The following TMEM237 variants were observed in gnomAD, a reference collection of about 807,000 sequenced individuals.
The protein encoded by TMEM237 is amyotrophic lateral sclerosis 2 (juvenile) chromosome region, candidate 4.
Under a neutral mutation model 59.1 loss-of-function variants are expected in TMEM237, and 51 were observed. The ratio of observed to expected loss-of-function variants is 0.86; its 90% CI spans 0.69 to 1.09. The LOEUF (loss-of-function observed/expected upper bound fraction) is 1.09, where lower values mean the gene tolerates loss of function less well. TMEM237 is among the 50% of genes least tolerant of loss of function. TMEM237 has a pLI of 0.00. For synonymous variants in TMEM237, 140 were observed against 166.1 expected, an observed-to-expected ratio of 0.84 and a Z score of 1.21; for missense variants, 475 against 478.3, an observed-to-expected ratio of 0.99 and a Z score of 0.06.
intron 1 of TMEM237, chr2:201,642,603 G>A (rs1411776340): frequency 2.5e-6 from 4 of 1,608,762 alleles, no homozygotes; most frequent in Non-Finnish European, 3.4e-6. Context: ...GCTAAGGCTC[G>A]CTTACCACAG....
At position 201,629,845 on chromosome 2, in the gene TMEM237, G is replaced by C; in HGVS notation, c.561C>G (p.Phe187Leu). 6.2e-7 allele frequency: 1 copy of C among 1,612,030 alleles called. No individual in the cohort carries two copies. The highest frequency in any genetic ancestry group is 8.5e-7 in the Non-Finnish European group (1 of 1,179,420). The stretch of plus-strand genomic sequence containing the variant: ...TCAACTCTGAACGATCAGCAGCCTG[G>C]AATCTCCCTAAGAACACATAACGTA... ...GKVFVEKSRR[F>L]QAADRSELIK... The change falls in exon 8 of 13, where the codon TTC (phenylalanine) becomes TTG (leucine). Residue 187 changes from phenylalanine (F) to leucine (L), a missense_variant. Physicochemically the swap from Phe to Leu is conservative, Grantham distance 22 (BLOSUM62 0). Transcript: ENST00000409883.
rs947776588 is a variant in TMEM237, at chr2:201,620,920, G to A, written c.*3335C>T. ...TCTCAAAAGATAGAGTTCTTTAGGG[G>A]CAGGAACCTGCACCTCACCTTGTGC... On this transcript the variant is annotated 3_prime_UTR_variant, in exon 13 of 13. Coordinates refer to ENST00000409883, the MANE Select transcript of TMEM237 (RefSeq NM_001044385.3). 6.6e-6 allele frequency: 1 copy of A among 152,132 alleles called. No individual in the cohort carries two copies. Among genetic ancestry groups the A allele is most frequent in the African/African-American group, 2.4e-5 (1 of 41,430 alleles). 9.4% of individuals were successfully genotyped at this position (152,132 alleles called of 1,614,324 possible).
At chr2:201,626,296 A>G (rs1957758432) in intron 11 of TMEM237, 149 bp from the exon 12 acceptor site, 1 of 795,520 alleles carries the variant, frequency 1.3e-6, no homozygotes, top group Non-Finnish European at 1.9e-6. Context: ...TTCCCTGTAA[A>G]ATATACCACA....
chr2:201,636,816 G>C lies in TMEM237; in HGVS notation c.206C>G (p.Thr69Ser), dbSNP rs372581479. ...CTCTGGGTGCTCTTTGAGTTCTTTA[G>C]TTGATGGCTCATTGCCCTCAGAGGG... is the stretch of plus-strand genomic sequence containing the variant. ...RRPSEGNEPS[T>S]KELKEHPEAP... Residue 69 changes from threonine to serine, a missense_variant, in exon 5 of 13, where the codon ACT becomes AGT. Thr to Ser is a moderately conservative substitution (Grantham distance 58, BLOSUM62 1). Coordinates refer to ENST00000409883, the MANE Select transcript of TMEM237 (RefSeq NM_001044385.3). 7.5e-6 allele frequency: 12 copies of C among 1,602,546 alleles called. No individual in the cohort carries two copies. The highest frequency in any genetic ancestry group is 3.4e-5 in the Admixed American group (2 of 58,362).
Position 201,628,089 on chromosome 2 carries a change from A to C in TMEM237, c.930T>G (p.Ala310=). ...CTGCTTACTCACAGAAAGATGCTAA[A>C]GCTGTAGGATCCAGGGCCAAAAAAT... ...IRNFLALDPT[A]LASFLYFTAL... is the part of the protein sequence containing the mutation. The change falls in exon 10 of 13, where the codon GCT becomes GCG. Residue 310 remains alanine (A), a synonymous_variant. Coordinates refer to ENST00000409883, the MANE Select transcript of TMEM237 (RefSeq NM_001044385.3). 6.2e-7 allele frequency: 1 copy of C among 1,607,774 alleles called. No homozygotes were observed. The highest frequency in any genetic ancestry group is 8.5e-7 in the Non-Finnish European group (1 of 1,176,904).
chr2:201,627,252 A>T, intron 11 of TMEM237, 69 bp downstream of exon 11: 1 of 1,116,720 alleles, frequency 9.0e-7, no homozygotes, highest in Non-Finnish European at 1.3e-6. Flanking sequence ...CAGTTGAAAA[A>T]GAATGGAAGG....
At chr2:201,633,160 G>T in intron 6 of TMEM237, 151 bp downstream of exon 6, 1 of 639,970 alleles carries the variant, frequency 1.6e-6, no homozygotes, top group Non-Finnish European at 2.3e-6. Flanking sequence ...TCATTCGATT[G>T]GTTTAACTGA....
chr2:201,637,659 C>T (rs1362573309), intron 4 of TMEM237, among the ~76,000 whole-genome samples: 1 of 151,100 alleles, frequency 6.6e-6, no homozygotes, highest in East Asian at 2.0e-4. Context: ...GCAGGAGAAT[C>T]GCTTGAACCC....
At position 201,620,267 on chromosome 2, in the gene TMEM237, C is replaced by T. The variant is rs557672169; in HGVS notation, c.*3988G>A. 74 of 152,288 alleles carry T rather than the reference C, an allele frequency of 4.9e-4. No homozygotes were observed. The highest frequency in any genetic ancestry group is 1.8e-3 in the African/African-American group (73 of 41,548). The allele number at this position is 152,288 out of a possible 1,614,324, so 9.4% of individuals were successfully genotyped here. A position where few individuals can be genotyped will look rare whatever the true frequency, so the allele number is the denominator to read the frequency against. On this transcript the variant is annotated 3_prime_UTR_variant, in exon 13 of 13. Transcript: ENST00000409883. ...CCAAAGGTCTGCAAAATGTACTCTC[C>T]TAGCTCAGGATCATTATTTATTCCT...
chr2:201,640,901 A>G lies in TMEM237; in HGVS notation c.66T>C (p.Pro22=). Residue 22 remains proline, a synonymous_variant, in exon 2 of 13, where the codon CCT becomes CCC. Transcript: ENST00000409883. ...GHLRPPRALP[P]VPSQDDIPLS... ...CTGTAAATTATTTTTACCTTGGCAC[A>G]GGTGGAAGAGCTCGTGGAGGACGCT... is the stretch of plus-strand genomic sequence containing the variant. 1 of 1,599,310 alleles carries G rather than the reference A, an allele frequency of 6.3e-7. No individual in the cohort carries two copies. Among genetic ancestry groups the G allele is most frequent in the Non-Finnish European group, 8.5e-7 (1 of 1,169,836 alleles).
At chr2:201,639,348 G>A (rs191675134) in intron 3 of TMEM237, among the ~76,000 whole-genome samples, 8 of 152,334 alleles carry the variant, frequency 5.3e-5, no homozygotes, top group Admixed American at 5.2e-4. Flanking sequence ...GTCTATGACT[G>A]GTTCTGGCCT....
intron 4 of TMEM237, among the ~76,000 whole-genome samples, chr2:201,637,758 AAAAAT>A (rs1244982753): frequency 1.2e-4 from 18 of 152,046 alleles, no homozygotes; most frequent in African/African-American, 4.1e-4. Flanking sequence ...AAAAAAAAAA[AAAAAT>A]AGAAATGTAT....
chr2:201,632,099 G>A lies in TMEM237; in HGVS notation c.505C>T (p.Pro169Ser), dbSNP rs772074875. 6.2e-7 allele frequency: 1 copy of A among 1,613,922 alleles called. No homozygotes were observed. The highest frequency in any genetic ancestry group is 1.7e-5 in the Admixed American group (1 of 60,028). Residue 169 changes from proline (P) to serine (S), a missense_variant, in exon 7 of 13, where the codon CCC becomes TCC. Coordinates refer to ENST00000409883, the MANE Select transcript of TMEM237 (RefSeq NM_001044385.3). ...TVEQQSVFTA[P>S]TGISQPVGKV... ...CCTACAGGCTGGCTAATGCCAGTGG[G>A]TGCAGTGAATACAGACTGCTGTTCC...
chr2:201,643,019 T>C lies in TMEM237; in HGVS notation c.42+340A>G. 2 of 1,282,320 alleles carry C rather than the reference T, an allele frequency of 1.6e-6. No individual in the cohort carries two copies. Among genetic ancestry groups the C allele is most frequent in the Non-Finnish European group, 2.0e-6 (2 of 1,012,834 alleles). The allele number at this position is 1,282,320 out of a possible 1,614,324, so 79.4% of individuals were successfully genotyped here. ...TCTCTTCTGGGCAGCTACAGACCTC[T>C]CCTCGGAGGAGTCTAGGAGAGGCCT... On this transcript the variant is annotated intron_variant, in intron 1 of 12. Coordinates refer to ENST00000409883, the MANE Select transcript of TMEM237 (RefSeq NM_001044385.3). This position sits in a 1 kb window ranked among gnomAD's most constrained non-coding sequence, Gnocchi z 4.3.
At chr2:201,634,481 G>T (rs1253692410) in intron 5 of TMEM237, 1 of 152,284 alleles carries the variant, frequency 6.6e-6, no homozygotes, top group African/African-American at 2.4e-5. Context: ...CTTTGGAATG[G>T]CAATGACAGG....
chr2:201,628,709 T>C (rs937655002), intron 9 of TMEM237, among the ~76,000 whole-genome samples: 1 of 152,172 alleles, frequency 6.6e-6, no homozygotes, highest in Non-Finnish European at 1.5e-5. Context: ...ATTGGAATGA[T>C]GCATCTACAG....
At position 201,628,104 on chromosome 2, in the gene TMEM237, G is replaced by A; in HGVS notation, c.915C>T (p.Ala305=). The A allele has an allele frequency of 6.2e-7, 1 of 1,607,914 alleles. No individual in the cohort carries two copies. The highest frequency in any genetic ancestry group is 1.7e-5 in the Admixed American group (1 of 59,416). ...AAGATGCTAAAGCTGTAGGATCCAG[G>A]GCCAAAAAATTTCGGATTGCTACTG... ...KISVAIRNFL[A]LDPTALASFL... Residue 305 remains alanine, a synonymous_variant, in exon 10 of 13, where the codon GCC becomes GCT. Transcript: ENST00000409883.
intron 1 of TMEM237, chr2:201,642,701 G>A (rs748948921): frequency 6.3e-7 from 1 of 1,582,208 alleles, no homozygotes; most frequent in East Asian, 2.3e-5. Context: ...TCGGTCGCGC[G>A]CGCAGGCGCA....
At chr2:201,625,881 CTTTAT>C in intron 12 of TMEM237, 140 bp downstream of exon 12, 14 of 939,944 alleles carry the variant, frequency 1.5e-5, no homozygotes, top group Non-Finnish European at 2.1e-5. Flanking sequence ...TGTTACACCA[CTTTAT>C]TTTCTCTCTT....
Sources: gnomAD v4.1 joint callset for allele counts (sites outside exome capture counted in the v4.1 genomes callset) on GRCh38, gnomAD v4.1.1 for gene constraint, Gnocchi (gnomAD v3.1) non-coding constraint, MANE v1.5 for transcripts, NCBI Gene and HGNC (gene_info 2026-07-23, HGNC 2026-07-21) for gene names.